The following ZNF292 variants were observed in gnomAD, a reference collection of about 807,000 sequenced individuals.
The protein encoded by ZNF292 is 16 zinc-finger domain protein.
Under a neutral mutation model 217.9 loss-of-function variants are expected in ZNF292, and 26 were observed. That is an observed-to-expected ratio of 0.12 (90% CI 0.09 to 0.17). ZNF292 has a LOEUF of 0.17. Among genes scored for constraint, ZNF292 ranks in the 10% least tolerant of loss-of-function variants. The pLI is 1.00. For missense variants in ZNF292, 2,904 were observed against 3,175.2 expected (o/e 0.91, Z 2.05); for synonymous variants, 1,257 against 1,124.1 (o/e 1.12, Z -2.37).
intron 1 of ZNF292, among the ~76,000 whole-genome samples, chr6:87,190,558 C>CT (rs1306119474): frequency 6.6e-6 from 1 of 152,158 alleles, no homozygotes; most frequent in Admixed American, 6.5e-5. Context: ...ACTGCAACCT[C>CT]TGCCTCCCGG....
chr6:87,229,488 G>A (rs912548188), intron 4 of ZNF292, among the ~76,000 whole-genome samples: 9 of 151,994 alleles, frequency 5.9e-5, no homozygotes, highest in South Asian at 2.1e-4. Flanking sequence ...GTGCAATGGC[G>A]CAATCTCGGC....
chr6:87,180,370 G>A (rs746588622), intron 1 of ZNF292, among the ~76,000 whole-genome samples: 2 of 152,206 alleles, frequency 1.3e-5, no homozygotes, highest in Non-Finnish European at 2.9e-5. Flanking sequence ...GTGAATGCAC[G>A]GCTGCCAGTA....
Position 87,259,567 on chromosome 6 carries a change from G to A in ZNF292, c.5938G>A (p.Val1980Ile), listed in dbSNP as rs1348221881. The change falls in exon 8 of 8, where the codon GTA (valine) becomes ATA (isoleucine). Residue 1980 changes from valine (V) to isoleucine (I), a missense_variant. By Grantham distance (29) the Val-to-Ile change is conservative. Transcript: ENST00000369577. ...LVHHFTTEEM[V>I]KLKIKRPYGR... ...GCATCATTTTACAACTGAAGAAATGGTAAAGTTAAAAATTAAAAGGCCTTA... is the reference window on the plus strand; with the variant it reads ...GCATCATTTTACAACTGAAGAAATGATAAAGTTAAAAATTAAAAGGCCTTA... 8.2e-6 allele frequency: 13 copies of A among 1,579,018 alleles called. No homozygotes were observed. Among genetic ancestry groups the A allele is most frequent in the Non-Finnish European group, 1.1e-5 (13 of 1,161,404 alleles).
chr6:87,195,826 G>A (rs534808251), intron 1 of ZNF292, among the ~76,000 whole-genome samples: 92 of 152,116 alleles, frequency 6.0e-4, no homozygotes, highest in Non-Finnish European at 1.0e-3. Context: ...TCAGGAGTTC[G>A]AGACCAGCCT....
At chr6:87,178,355 T>A (rs1279487469) in intron 1 of ZNF292, among the ~76,000 whole-genome samples, 1 of 152,186 alleles carries the variant, frequency 6.6e-6, no homozygotes, top group East Asian at 1.9e-4. Flanking sequence ...GGAAGAAAGG[T>A]GAATTTTGTG....
chr6:87,160,623 T>C (rs892293112), intron 1 of ZNF292, among the ~76,000 whole-genome samples: 1 of 151,786 alleles, frequency 6.6e-6, no homozygotes, highest in Non-Finnish European at 1.5e-5. Context: ...GATGTGTGTG[T>C]GTATACATAC....
chr6:87,208,320 T>C (rs1471907334), intron 1 of ZNF292, among the ~76,000 whole-genome samples: 1 of 152,166 alleles, frequency 6.6e-6, no homozygotes, highest in Non-Finnish European at 1.5e-5. Context: ...GAAAATTAAT[T>C]TGAATTAAAT....
At chr6:87,202,922 T>G (rs1772136170) in intron 1 of ZNF292, among the ~76,000 whole-genome samples, 1 of 152,096 alleles carries the variant, frequency 6.6e-6, no homozygotes, top group Non-Finnish European at 1.5e-5. Flanking sequence ...ATTTACAAAT[T>G]AAACTATCTT....
chr6:87,213,541 G>A (rs1186657671), intron 1 of ZNF292, among the ~76,000 whole-genome samples: 2 of 152,142 alleles, frequency 1.3e-5, no homozygotes, highest in Non-Finnish European at 2.9e-5. Context: ...ATGAGCCAGA[G>A]TGGTAGGGTG....
intron 1 of ZNF292, among the ~76,000 whole-genome samples, chr6:87,196,096 A>G (rs2127786152): frequency 6.6e-6 from 1 of 152,318 alleles, no homozygotes; most frequent in South Asian, 2.1e-4. Flanking sequence ...AAGCTTATCA[A>G]GAATACTTTC....
chr6:87,242,771 A>G (rs948163347), intron 5 of ZNF292, among the ~76,000 whole-genome samples: 1 of 152,210 alleles, frequency 6.6e-6, no homozygotes, highest in Non-Finnish European at 1.5e-5. Context: ...CATTGTAATG[A>G]GGTAATAAAT....
chr6:87,214,762 G>A (rs577725516), intron 1 of ZNF292, among the ~76,000 whole-genome samples: 1 of 152,280 alleles, frequency 6.6e-6, no homozygotes, highest in South Asian at 2.1e-4. Flanking sequence ...CAGTCGGTGA[G>A]TAGTTATTTT....
chr6:87,189,810 C>CGGAA (rs1286259375), intron 1 of ZNF292, among the ~76,000 whole-genome samples: 17 of 152,218 alleles, frequency 1.1e-4, no homozygotes, highest in Admixed American at 9.8e-4. Flanking sequence ...ATACTGTACT[C>CGGAA]GGAAGGAAGG....
At chr6:87,246,128 G>A (rs1428417738) in intron 7 of ZNF292, among the ~76,000 whole-genome samples, 1 of 152,226 alleles carries the variant, frequency 6.6e-6, no homozygotes, top group Non-Finnish European at 1.5e-5. Flanking sequence ...CTACTCAGGA[G>A]GCTGAGGCAG....
intron 1 of ZNF292, among the ~76,000 whole-genome samples, chr6:87,173,030 ATTCT>A (rs1273590210): frequency 2.0e-5 from 3 of 152,176 alleles, no homozygotes; most frequent in African/African-American, 7.2e-5. Context: ...TTGTATTATA[ATTCT>A]TTCTGATAGT....
rs561747132 is a variant in ZNF292 at position 87,254,525 on chromosome 6, A to G, written c.1021-125A>G. The G allele has an allele frequency of 1.5e-5, 13 of 883,988 alleles. No individual in the cohort carries two copies. In the South Asian group the frequency reaches 1.9e-4, roughly 13 times the overall value. The allele number at this position is 883,988 out of a possible 1,614,324, so 54.8% of individuals were successfully genotyped here. On this transcript the variant is annotated intron_variant, in intron 7 of 7. Coordinates refer to ENST00000369577, the MANE Select transcript of ZNF292 (RefSeq NM_015021.3). ...CTAAGCTGCAGTGCTTTAGAAGGGG[A>G]ATCCTTTCATAAGTTGCTATTGCAA...
At chr6:87,244,056 GCTTA>G (rs1774445131) in intron 6 of ZNF292, among the ~76,000 whole-genome samples, 1 of 60,698 alleles carries the variant, frequency 1.6e-5, no homozygotes, top group African/African-American at 4.7e-5. Context: ...CCTTAAATTA[GCTTA>G]GCTAACACTG....
chr6:87,232,015 T>G (rs534576493), intron 4 of ZNF292, among the ~76,000 whole-genome samples: 1 of 152,282 alleles, frequency 6.6e-6, no homozygotes, highest in East Asian at 1.9e-4. Flanking sequence ...AAAAGAAAAG[T>G]AATGCCCTTT....
chr6:87,201,835 A>G (rs954240956), intron 1 of ZNF292, among the ~76,000 whole-genome samples: 1 of 152,170 alleles, frequency 6.6e-6, no homozygotes, highest in Non-Finnish European at 1.5e-5. Context: ...TTATTTATGG[A>G]ATAGTCTGTA....
Sources: allele counts gnomAD v4.1 joint callset (sites outside exome capture counted in the v4.1 genomes callset), GRCh38; gene constraint gnomAD v4.1.1; transcripts MANE v1.5; gene names NCBI Gene and HGNC (gene_info 2026-07-23, HGNC 2026-07-21).